Variants in GNAL observed in about 807,000 individuals in gnomAD.
GNAL encodes G protein subunit alpha L, also known as guanine nucleotide-binding protein G(olf) subunit alpha.
A neutral mutation model predicts 55.1 loss-of-function variants in GNAL; 18 were observed. The ratio of observed to expected loss-of-function variants is 0.33; its 90% CI spans 0.23 to 0.48. The LOEUF (loss-of-function observed/expected upper bound fraction) is 0.48. GNAL is among the 20% of genes least tolerant of loss of function. The pLI, the probability that GNAL is intolerant of heterozygous loss-of-function variation, is 0.99. For synonymous variants in GNAL, 253 were observed against 237.0 expected (o/e 1.07, Z -0.62); for missense variants, 412 against 614.1 (o/e 0.67, Z 3.48).
intron 5 of GNAL, among the ~76,000 whole-genome samples, chr18:11,849,167 A>T (rs2035799624): frequency 6.6e-6 from 1 of 152,244 alleles, no homozygotes. Flanking sequence ...GTCTCTCATG[A>T]TTATATTCCA....
intron 5 of GNAL, among the ~76,000 whole-genome samples, chr18:11,856,567 AG>A (rs2036012098): frequency 6.6e-6 from 1 of 151,400 alleles, no homozygotes; most frequent in Admixed American, 6.6e-5. Flanking sequence ...TCTGTTCTTC[AG>A]GGTTTGTACA....
intron 5 of GNAL, chr18:11,852,545 T>G (rs1316329578): frequency 5.4e-6 from 1 of 186,852 alleles, no homozygotes; most frequent in Admixed American, 5.4e-5. Context: ...GGTTATACAG[T>G]TATAAACACC....
chr18:11,801,339 T>A (rs1449010282), intron 4 of GNAL, among the ~76,000 whole-genome samples: 1 of 152,072 alleles, frequency 6.6e-6, no homozygotes. Context: ...TCACCTGAGG[T>A]CAGGAGTTAA....
intron 1 of GNAL, among the ~76,000 whole-genome samples, chr18:11,691,535 C>G (rs1350306478): frequency 6.7e-6 from 1 of 148,718 alleles, no homozygotes; most frequent in South Asian, 2.1e-4. Context: ...AGTCCTTGCC[C>G]ATGCCTATGT....
In GNAL at chr18:11,840,400, G is replaced by A. The variant is rs144174288; in HGVS notation, c.722+15385G>A. Among the ~76,000 whole-genome samples the A allele has an allele frequency of 9.3e-4, 141 of 152,264 alleles. 1 individual carries two copies. The highest frequency in any genetic ancestry group is 1.5e-3 in the Admixed American group (23 of 15,300). On this transcript the variant is annotated intron_variant, in intron 5 of 11. Coordinates refer to ENST00000334049, the MANE Select transcript of GNAL (RefSeq NM_182978.4). ...TAAGATAGACAAGACTTAACAGATC[G>A]TTTTGCCAAAAAAGGAAATTTTTTA...
At chr18:11,755,617 A>G (rs112474223) in intron 4 of GNAL, among the ~76,000 whole-genome samples, 4,660 of 152,242 alleles carry the variant, frequency 0.031, 87 homozygotes, top group African/African-American at 0.046. Context: ...ATCCTTTAAT[A>G]TGATTTTTGC....
chr18:11,691,586 G>A (rs1378093730), intron 1 of GNAL, among the ~76,000 whole-genome samples: 1 of 150,264 alleles, frequency 6.7e-6, no homozygotes, highest in African/African-American at 2.5e-5. Flanking sequence ...GGGTTTTTAT[G>A]GTTTTAGGTC....
At chr18:11,773,060 T>G (rs2033680487) in intron 4 of GNAL, among the ~76,000 whole-genome samples, 1 of 152,184 alleles carries the variant, frequency 6.6e-6, no homozygotes, top group African/African-American at 2.4e-5. Flanking sequence ...CAGTGACATC[T>G]GCTGCATCCC....
At chr18:11,785,919 C>T (rs977184048) in intron 4 of GNAL, among the ~76,000 whole-genome samples, 1 of 152,220 alleles carries the variant, frequency 6.6e-6, no homozygotes, top group African/African-American at 2.4e-5. Flanking sequence ...TTGAATTCCT[C>T]TTGCAAGGCA....
intron 9 of GNAL, among the ~76,000 whole-genome samples, chr18:11,870,543 T>C (rs930435396): frequency 6.8e-6 from 1 of 146,600 alleles, no homozygotes; most frequent in Non-Finnish European, 1.5e-5. Context: ...AAAAAATTTT[T>C]TTAATTTTGA....
At chr18:11,771,372 G>A (rs746629077) in intron 4 of GNAL, among the ~76,000 whole-genome samples, 1 of 152,058 alleles carries the variant, frequency 6.6e-6, no homozygotes, top group African/African-American at 2.4e-5. Context: ...GGAAGTTAAT[G>A]ATAATGAAAT....
At chr18:11,788,936 T>TATATATATATACAC (rs1219351502) in intron 4 of GNAL, among the ~76,000 whole-genome samples, 2 of 128,896 alleles carry the variant, frequency 1.6e-5, no homozygotes, top group African/African-American at 3.2e-5. Flanking sequence ...TATATATATA[T>TATATATATATACAC]ACACATATAT....
Position 11,852,451 on chromosome 18 carries a change from T to G in GNAL, c.723-9944T>G, listed in dbSNP as rs1598428970. The G allele has an allele frequency of 1.1e-5, 3 of 263,946 alleles. No homozygotes were observed. In the East Asian group the frequency reaches 2.6e-4, roughly 23 times the overall value. 16.4% of individuals were successfully genotyped at this position (263,946 alleles called of 1,614,324 possible). On this transcript the variant is annotated intron_variant, in intron 5 of 11. Coordinates refer to ENST00000334049, the MANE Select transcript of GNAL (RefSeq NM_182978.4). ...TGATCAGATTGAAGGTGGTTGGTTT[T>G]TATTATTATTTAGTGTGATTGATAG...
intron 1 of GNAL, among the ~76,000 whole-genome samples, chr18:11,709,834 G>A (rs1000140486): frequency 1.3e-5 from 2 of 152,034 alleles, no homozygotes; most frequent in East Asian, 3.9e-4. Flanking sequence ...TTCCTGTGGT[G>A]TGCTGAATAG....
chr18:11,730,112 C>T (rs1378609317), intron 1 of GNAL, among the ~76,000 whole-genome samples: 1 of 151,422 alleles, frequency 6.6e-6, no homozygotes, highest in African/African-American at 2.4e-5. Context: ...CGGCTCACTG[C>T]AAGCTCTGCC....
chr18:11,717,048 G>A (rs1237777531), intron 1 of GNAL, among the ~76,000 whole-genome samples: 1 of 152,240 alleles, frequency 6.6e-6, no homozygotes, highest in Non-Finnish European at 1.5e-5. Context: ...GGAGGGTGGG[G>A]GAGGCTCACG....
chr18:11,836,443 A>T (rs558718226), intron 5 of GNAL, among the ~76,000 whole-genome samples: 26 of 152,172 alleles, frequency 1.7e-4, no homozygotes, highest in Non-Finnish European at 3.8e-4. Flanking sequence ...CAAAACTCTT[A>T]TCTCAAAAAA....
chr18:11,829,780 C>T (rs1007031864), intron 5 of GNAL, among the ~76,000 whole-genome samples: 3 of 152,108 alleles, frequency 2.0e-5, no homozygotes, highest in South Asian at 2.1e-4. Context: ...GAGGCCGAGG[C>T]GGGTAGATCA....
intron 4 of GNAL, among the ~76,000 whole-genome samples, chr18:11,766,032 TGAACGTCTTAGCACTCTCTCAG>T (rs1459786167): frequency 1.1e-4 from 17 of 152,222 alleles, no homozygotes; most frequent in African/African-American, 3.6e-4. Context: ...GAAAATATTT[TGAACGTCTTAGCACTCTCTCAG>T]GAATCAGTAG....
Sources: gnomAD v4.1 joint callset for allele counts (sites outside exome capture counted in the v4.1 genomes callset) on GRCh38, gnomAD v4.1.1 for gene constraint, MANE v1.5 for transcripts, NCBI Gene and HGNC (gene_info 2026-07-23, HGNC 2026-07-21) for gene names.